Variants in NCR2 observed in about 807,000 individuals in gnomAD.
NCR2 encodes the protein NK cell activating receptor (NKp44).
NCR2 carries 35 observed loss-of-function variants against 30.7 expected under a neutral mutation model. The observed-to-expected ratio is 1.14, with a 90% CI of 0.87 to 1.51. The LOEUF is 1.51. NCR2 is among the 40% of genes most tolerant of loss of function. NCR2 has a pLI of 0.00. For synonymous variants in NCR2, 146 were observed against 134.8 expected (o/e 1.08, Z -0.58); for missense variants, 316 against 328.9 (o/e 0.96, Z 0.30).
chr6:41,336,242 T>C lies in NCR2; in HGVS notation c.208T>C (p.Ser70Pro). 6.2e-7 allele frequency: 1 copy of C among 1,614,128 alleles called. No homozygotes were observed. Among genetic ancestry groups the C allele is most frequent in the South Asian group, 1.1e-5 (1 of 91,084 alleles). Residue 70 changes from serine (S) to proline (P), a missense_variant, in exon 2 of 5, where the codon TCC becomes CCC. By Grantham distance (74) the Ser-to-Pro change is moderately conservative. Coordinates refer to ENST00000373089, the MANE Select transcript of NCR2 (RefSeq NM_004828.4). Reference sequence around the variant, plus strand: ...TGTGTGCATCAGGTTAGTCACCAGCTCCAAGCCCAGGACGATGGCTTGGAC... The same window carrying C: ...TGTGTGCATCAGGTTAGTCACCAGCCCCAAGCCCAGGACGATGGCTTGGAC... ...ALVCIRLVTS[S>P]KPRTMAWTSR...
chr6:41,336,528 C>T lies in NCR2; in HGVS notation c.394+100C>T, dbSNP rs1016363263. The T allele has an allele frequency of 7.3e-5, 70 of 960,064 alleles. 1 individual carries two copies. Among genetic ancestry groups the T allele is most frequent in the Admixed American group, 6.0e-4 (27 of 44,764 alleles). 59.5% of individuals were successfully genotyped at this position (960,064 alleles called of 1,614,324 possible). A position where few individuals can be genotyped will look rare whatever the true frequency, so the allele number is the denominator to read the frequency against. On this transcript the variant is annotated intron_variant, in intron 2 of 4. Coordinates refer to ENST00000373089, the MANE Select transcript of NCR2 (RefSeq NM_004828.4). ...CAATCGTGGAAGCCACCCATGCCCA[C>T]GCCCCAGTCTCCTGGGAAGGCTGTT...
rs370949899 is a variant in NCR2, at chr6:41,335,887, G to A, written c.11G>A (p.Arg4Gln). 246 of 1,568,838 alleles carry A rather than the reference G, an allele frequency of 1.6e-4. No individual in the cohort carries two copies. The highest frequency in any genetic ancestry group is 1.9e-4 in the Non-Finnish European group (216 of 1,156,396). MAW[R>Q]ALHPLLLLLL... ...CAGGAAAAGGACCACATGGCCTGGC[G>A]AGCCCTACACCCACTGCTACTGCTG... The change falls in exon 1 of 5, where the codon CGA (arginine) becomes CAA (glutamine). Residue 4 changes from arginine to glutamine, a missense_variant. Coordinates refer to ENST00000373089, the MANE Select transcript of NCR2 (RefSeq NM_004828.4).
chr6:41,349,856 G>T (rs1303416036), intron 4 of NCR2, among the ~76,000 whole-genome samples: 2 of 152,114 alleles, frequency 1.3e-5, no homozygotes, highest in Non-Finnish European at 2.9e-5. Flanking sequence ...TTACTGTCTG[G>T]AGGCTGAGAA....
At chr6:41,341,197 C>T (rs1229705373) in intron 2 of NCR2, among the ~76,000 whole-genome samples, 1 of 152,174 alleles carries the variant, frequency 6.6e-6, no homozygotes, top group Non-Finnish European at 1.5e-5. Flanking sequence ...AGCCATTCCC[C>T]ACCTCCACCA....
At chr6:41,343,957 C>T (rs1581663800) in intron 4 of NCR2, among the ~76,000 whole-genome samples, 1 of 152,076 alleles carries the variant, frequency 6.6e-6, no homozygotes, top group South Asian at 2.1e-4. Flanking sequence ...GTCACCCCAA[C>T]GTTTCCCTCT....
At chr6:41,343,102 G>A (rs1004796008) in intron 4 of NCR2, 1 of 1,274,484 alleles carries the variant, frequency 7.8e-7, no homozygotes. Flanking sequence ...TATCCGCAAA[G>A]AAAAGGCCAG....
At chr6:41,345,300 G>A (rs1480779160) in intron 4 of NCR2, among the ~76,000 whole-genome samples, 1 of 151,932 alleles carries the variant, frequency 6.6e-6, no homozygotes, top group African/African-American at 2.4e-5. Flanking sequence ...AACTTTCTGG[G>A]GTTCCAAGGT....
intron 4 of NCR2, among the ~76,000 whole-genome samples, chr6:41,345,597 CCT>C (rs1769281142): frequency 6.6e-6 from 1 of 152,092 alleles, no homozygotes; most frequent in Non-Finnish European, 1.5e-5. Flanking sequence ...GGCCCCCTCC[CCT>C]TCCCCCAAGG....
chr6:41,340,619 G>A (rs576464500), intron 2 of NCR2, among the ~76,000 whole-genome samples: 2 of 152,204 alleles, frequency 1.3e-5, no homozygotes, highest in African/African-American at 2.4e-5. Context: ...AACTAATCAC[G>A]GGCTTGGATC....
intron 2 of NCR2, among the ~76,000 whole-genome samples, chr6:41,339,846 TC>T (rs999594854): frequency 2.6e-5 from 4 of 152,154 alleles, no homozygotes; most frequent in African/African-American, 9.7e-5. Context: ...CAGCACAAAC[TC>T]TTTGGAATAA....
rs772201667 is a variant in NCR2 at position 41,336,195 on chromosome 6, G to A, written c.161G>A (p.Trp54Ter). 10 of 1,614,046 alleles carry A rather than the reference G, an allele frequency of 6.2e-6. No individual in the cohort carries two copies. Among genetic ancestry groups the A allele is most frequent in the Non-Finnish European group, 8.5e-6 (10 of 1,180,036 alleles). Residue 54 changes from tryptophan (W) to a stop codon, truncating the protein, a stop_gained, in exon 2 of 5, where the codon TGG (tryptophan) becomes TAG (stop). Transcript: ENST00000373089. LOFTEE classifies it high-confidence loss of function. ...PTGSLYEKKG[W>*]CKEASALVCI... ...GGCAGTCTCTACGAGAAGAAAGGCTGGTGTAAGGAGGCTTCAGCACTTGTG... is the reference window on the plus strand; with the variant it reads ...GGCAGTCTCTACGAGAAGAAAGGCTAGTGTAAGGAGGCTTCAGCACTTGTG...
chr6:41,347,423 C>A (rs559610111), intron 4 of NCR2, among the ~76,000 whole-genome samples: 5 of 152,224 alleles, frequency 3.3e-5, no homozygotes, highest in African/African-American at 1.2e-4. Flanking sequence ...CTCCAAAATT[C>A]TCTTTTCTTC....
At position 41,342,142 on chromosome 6, in the gene NCR2, G is replaced by A. The variant is rs371796834; in HGVS notation, c.637G>A (p.Val213Ile). The change falls in exon 4 of 5, where the codon GTC becomes ATC. Residue 213 changes from valine to isoleucine, a missense_variant. Transcript: ENST00000373089. ...AKSLVLSALL[V>I]WWGDIWWKTM... Reference sequence around the variant, plus strand: ...GAGCCTGGTGCTGTCAGCCCTGCTCGTCTGGTGGTGAGTGTGGTGTGGGTT... The same window carrying A: ...GAGCCTGGTGCTGTCAGCCCTGCTCATCTGGTGGTGAGTGTGGTGTGGGTT... 3.5e-5 allele frequency: 56 copies of A among 1,612,700 alleles called. No individual in the cohort carries two copies. The highest frequency in any genetic ancestry group is 1.7e-4 in the Admixed American group (10 of 60,010).
At chr6:41,346,367 C>A (rs908228189) in intron 4 of NCR2, among the ~76,000 whole-genome samples, 1 of 152,082 alleles carries the variant, frequency 6.6e-6, no homozygotes, top group Non-Finnish European at 1.5e-5. Context: ...CCCACCACCC[C>A]CTACCTCAGT....
intron 4 of NCR2, chr6:41,342,795 A>T (rs1769208513): frequency 1.3e-6 from 1 of 750,622 alleles, no homozygotes; most frequent in Non-Finnish European, 2.2e-6. Context: ...GCTGAGTGAA[A>T]GGTGCAGGGA....
chr6:41,342,862 G>A (rs1044319224), intron 4 of NCR2: 2 of 1,477,634 alleles, frequency 1.4e-6, no homozygotes, highest in African/African-American at 2.8e-5. Flanking sequence ...TGGGGAAAGG[G>A]ACAGGGTGTG....
chr6:41,350,547 C>A (rs549263897), intron 4 of NCR2, 131 bp from the exon 5 acceptor site: 45 of 743,934 alleles, frequency 6.0e-5, no homozygotes, highest in African/African-American at 5.8e-4. Context: ...CAGGAGCAGA[C>A]TTCATCCTTG....
At chr6:41,343,550 G>A (rs969025208) in intron 4 of NCR2, among the ~76,000 whole-genome samples, 2 of 152,200 alleles carry the variant, frequency 1.3e-5, no homozygotes, top group African/African-American at 4.8e-5. Flanking sequence ...AGCAAAGAAC[G>A]ATTTGCAAAT....
intron 2 of NCR2, among the ~76,000 whole-genome samples, chr6:41,339,083 G>A (rs746734216): frequency 5.1e-4 from 78 of 151,832 alleles, no homozygotes; most frequent in African/African-American, 1.5e-3. Context: ...GTTTTATTTC[G>A]TTTTGAGGCG....
Sources: gnomAD v4.1 joint callset for allele counts (sites outside exome capture counted in the v4.1 genomes callset) on GRCh38, gnomAD v4.1.1 for gene constraint, MANE v1.5 for transcripts, NCBI Gene and HGNC (gene_info 2026-07-23, HGNC 2026-07-21) for gene names.